PEX5L: variants seen among roughly 807,000 people sequenced by gnomAD.
The protein encoded by PEX5L is PEX5-related protein.
Under a neutral mutation model 84.0 loss-of-function variants are expected in PEX5L, and 30 were observed. The ratio of observed to expected loss-of-function variants is 0.36; its 90% confidence interval spans 0.27 to 0.48. The LOEUF (loss-of-function observed/expected upper bound fraction) is 0.48, where lower values mean the gene tolerates loss of function less well. PEX5L is among the 20% of genes least tolerant of loss of function. The pLI is 0.99. For missense variants in PEX5L, 533 were observed against 754.6 expected, an observed-to-expected ratio of 0.71 and a Z score of 3.44; for synonymous variants, 270 against 283.1, an observed-to-expected ratio of 0.95 and a Z score of 0.46.
At chr3:180,002,629 G>T (rs945988516) in intron 1 of PEX5L, among the ~76,000 whole-genome samples, 1 of 152,010 alleles carries the variant, frequency 6.6e-6, no homozygotes, top group Non-Finnish European at 1.5e-5. Context: ...TGTCAAATGT[G>T]TTGTAAATAT....
chr3:179,969,891 T>C (rs190349035), intron 2 of PEX5L, among the ~76,000 whole-genome samples: 2 of 152,268 alleles, frequency 1.3e-5, no homozygotes, highest in East Asian at 3.9e-4. Context: ...GAAGGTTTTG[T>C]TCTCTTATTT....
chr3:180,023,852 T>G (rs1001301072), intron 1 of PEX5L, among the ~76,000 whole-genome samples: 1 of 147,168 alleles, frequency 6.8e-6, no homozygotes, highest in African/African-American at 2.7e-5. Context: ...ACCTAGCTCC[T>G]TGGTAGAGGA....
chr3:179,949,985 G>A (rs1778643824), intron 2 of PEX5L, among the ~76,000 whole-genome samples: 1 of 152,192 alleles, frequency 6.6e-6, no homozygotes, highest in Non-Finnish European at 1.5e-5. Context: ...CCACTTGTGA[G>A]CCTTCTTCCC....
At chr3:179,822,494 C>G (rs1422965360) in intron 8 of PEX5L, among the ~76,000 whole-genome samples, 1 of 152,216 alleles carries the variant, frequency 6.6e-6, no homozygotes, top group African/African-American at 2.4e-5. Flanking sequence ...AATTAAAGTG[C>G]AGAGCACAGT....
rs781049893 is a variant in PEX5L, at chr3:179,801,799, G to A, written c.*29C>T. Reference sequence around the variant, plus strand: ...TTTTCAGTACAATCACACAGATCAGGGATTATTAGTACTGGTATTATTCTT... The same window carrying A: ...TTTTCAGTACAATCACACAGATCAGAGATTATTAGTACTGGTATTATTCTT... On this transcript the variant is annotated 3_prime_UTR_variant, in exon 15 of 15. Coordinates refer to ENST00000467460, the MANE Select transcript of PEX5L (RefSeq NM_016559.3). 39 of 1,283,240 alleles carry A rather than the reference G, an allele frequency of 3.0e-5. No homozygotes were observed. Among genetic ancestry groups the A allele is most frequent in the Non-Finnish European group, 4.4e-5 (39 of 877,900 alleles). 79.5% of individuals were successfully genotyped at this position (1,283,240 alleles called of 1,614,324 possible).
At chr3:179,898,268 T>G in intron 2 of PEX5L, 22 bp from the exon 3 acceptor site, 1 of 1,493,796 alleles carries the variant, frequency 6.7e-7, no homozygotes, top group Non-Finnish European at 9.3e-7. Context: ...AAATCAACAA[T>G]GACTGTGTCA....
rs146977162 is a variant in PEX5L, at chr3:179,878,865, T to C, written c.505+1064A>G. On this transcript the variant is annotated intron_variant, in intron 5 of 14. Transcript: ENST00000467460. ...TCATTTTTCTATCTCCCTACTAGAC[T>C]GTAAATTTGCTAAGGCACAGAGAGC... Among the ~76,000 whole-genome samples, 5 of 152,364 alleles carry C rather than the reference T, an allele frequency of 3.3e-5. No individual in the cohort carries two copies. The East Asian group carries it at 9.6e-4, about 29-fold the overall frequency.
chr3:179,968,360 A>G (rs755136604), intron 2 of PEX5L, among the ~76,000 whole-genome samples: 7 of 152,142 alleles, frequency 4.6e-5, no homozygotes, highest in Non-Finnish European at 8.8e-5. Context: ...CACACTTGAA[A>G]TATCAGTAAC....
At chr3:179,920,128 C>T (rs559303225) in intron 2 of PEX5L, among the ~76,000 whole-genome samples, 1 of 152,322 alleles carries the variant, frequency 6.6e-6, no homozygotes, top group South Asian at 2.1e-4. Flanking sequence ...TCCCTGCTCT[C>T]ACATTTATTC....
intron 4 of PEX5L, among the ~76,000 whole-genome samples, chr3:179,883,979 G>A (rs914205816): frequency 1.3e-5 from 2 of 152,170 alleles, no homozygotes; most frequent in African/African-American, 2.4e-5. Context: ...GATATATGAG[G>A]TTGGAAATGA....
At chr3:179,979,990 C>T (rs1164751897) in intron 1 of PEX5L, among the ~76,000 whole-genome samples, 1 of 152,078 alleles carries the variant, frequency 6.6e-6, no homozygotes, top group Non-Finnish European at 1.5e-5. Context: ...GATTTTATGA[C>T]CTTGCAAACT....
chr3:179,965,066 A>G (rs1321204559), intron 2 of PEX5L, among the ~76,000 whole-genome samples: 3 of 152,246 alleles, frequency 2.0e-5, no homozygotes, highest in East Asian at 3.8e-4. Context: ...ATACACACAC[A>G]TTCTGTGTTA....
At chr3:179,983,862 T>C (rs1381553528) in intron 1 of PEX5L, among the ~76,000 whole-genome samples, 2 of 152,052 alleles carry the variant, frequency 1.3e-5, no homozygotes, top group Non-Finnish European at 2.9e-5. Context: ...AGTAGTGACA[T>C]GAATGAAGTG....
rs1273949439 is a variant in PEX5L at position 179,888,145 on chromosome 3, T to C, written c.199-361A>G. The C allele has an allele frequency of 4.6e-6, 6 of 1,290,674 alleles. No individual in the cohort carries two copies. The African/African-American group carries it at 9.1e-5, about 20-fold the overall frequency. 80.0% of individuals were successfully genotyped at this position (1,290,674 alleles called of 1,614,324 possible). On this transcript the variant is annotated intron_variant, in intron 3 of 14. Transcript: ENST00000467460. Reference sequence around the variant, plus strand: ...CTGGACAAAAGCTCCTACTGAGACCTGGACCAGTGGCTTCAGACTCAAAGA... The same window carrying C: ...CTGGACAAAAGCTCCTACTGAGACCCGGACCAGTGGCTTCAGACTCAAAGA...
chr3:179,884,168 C>A (rs76872092), intron 4 of PEX5L, among the ~76,000 whole-genome samples: 4 of 152,108 alleles, frequency 2.6e-5, no homozygotes, highest in South Asian at 4.1e-4. Flanking sequence ...AGAAAAACGC[C>A]CCCCTCTAAT....
chr3:180,024,379 C>CAA (rs1452445435), intron 1 of PEX5L, among the ~76,000 whole-genome samples: 20 of 101,606 alleles, frequency 2.0e-4, no homozygotes, highest in African/African-American at 9.0e-4. Flanking sequence ...TATATACACA[C>CAA]ACAAAAAAAA....
chr3:179,871,805 C>T (rs1371502855), intron 7 of PEX5L, among the ~76,000 whole-genome samples: 1 of 152,210 alleles, frequency 6.6e-6, no homozygotes, highest in African/African-American at 2.4e-5. Flanking sequence ...CTTTCTGAGC[C>T]TACTCTGGCT....
intron 4 of PEX5L, among the ~76,000 whole-genome samples, chr3:179,887,370 T>C (rs3815592): frequency 0.11 from 16,152 of 152,282 alleles, 1,070 homozygotes; most frequent in South Asian, 0.19. Flanking sequence ...CTGAAAGAGA[T>C]GTTTTTGTTT....
intron 2 of PEX5L, among the ~76,000 whole-genome samples, chr3:179,946,101 C>G (rs1777478592): frequency 6.6e-6 from 1 of 151,634 alleles, no homozygotes; most frequent in African/African-American, 2.4e-5. Flanking sequence ...TTGCTCTGTA[C>G]TTGGCCAGCT....
Sources: gnomAD v4.1 joint callset for allele counts (sites outside exome capture counted in the v4.1 genomes callset) on GRCh38, gnomAD v4.1.1 for gene constraint, MANE v1.5 for transcripts, NCBI Gene and HGNC (gene_info 2026-07-23, HGNC 2026-07-21) for gene names.